WAPL: variants seen among roughly 807,000 people sequenced by gnomAD.
The protein encoded by WAPL is wings apart-like protein homolog.
A neutral mutation model predicts 121.0 loss-of-function variants in WAPL; 5 were observed. The observed-to-expected ratio is 0.04, with a 90% CI of 0.02 to 0.09. The LOEUF (loss-of-function observed/expected upper bound fraction) is 0.09, where lower values mean the gene tolerates loss of function less well. WAPL is among the 10% of genes least tolerant of loss of function. The probability of loss-of-function intolerance (pLI) is 1.00; values close to 1 mark genes in which losing one functional copy is unlikely to be tolerated. For missense variants in WAPL, 999 were observed against 1,410.8 expected (o/e 0.71, Z 4.68); for synonymous variants, 480 against 481.5 (o/e 1.00, Z 0.04).
At chr10:86,483,878 C>G (rs193043568) in intron 4 of WAPL, among the ~76,000 whole-genome samples, 65 of 148,362 alleles carry the variant, frequency 4.4e-4, no homozygotes, top group Admixed American at 1.3e-3. Flanking sequence ...CCCGCCACCA[C>G]GCCTGGCTAA....
At chr10:86,519,250 G>GT (rs1842623175) in intron 1 of WAPL, among the ~76,000 whole-genome samples, 1 of 152,104 alleles carries the variant, frequency 6.6e-6, no homozygotes, top group Admixed American at 6.6e-5. Context: ...TGATCAATCA[G>GT]TAACCGTTTG....
chr10:86,471,167 G>A (rs1841525744), intron 7 of WAPL, 64 bp from the exon 8 acceptor site: 2 of 1,359,934 alleles, frequency 1.5e-6, no homozygotes, highest in Non-Finnish European at 1.0e-6. Flanking sequence ...TTGAGTTTGT[G>A]TAATACCAAA....
intron 15 of WAPL, among the ~76,000 whole-genome samples, chr10:86,450,449 T>C (rs541475593): frequency 1.3e-5 from 2 of 152,176 alleles, no homozygotes; most frequent in Admixed American, 6.6e-5. Flanking sequence ...TTGCCCATGC[T>C]GGTCTCAAAC....
chr10:86,443,710 CA>C, intron 16 of WAPL: 1 of 201,770 alleles, frequency 5.0e-6, no homozygotes, highest in Non-Finnish European at 1.0e-5. Context: ...AACTCAACAA[CA>C]AAAACAACCC....
chr10:86,490,387 G>A lies in WAPL; in HGVS notation c.1644+6814C>T, dbSNP rs192985382. ...GTTTGCTGCTGACTCAAGTTGCCAT[G>A]ACCTGATTTACTTTAGGCCAGATAG... On this transcript the variant is annotated intron_variant, in intron 4 of 18. Coordinates refer to ENST00000298767, the MANE Select transcript of WAPL (RefSeq NM_015045.5). Among the ~76,000 whole-genome samples, 475 of 152,230 alleles carry A rather than the reference G, an allele frequency of 3.1e-3. 2 individuals carry two copies. Among genetic ancestry groups the A allele is most frequent in the African/African-American group, 0.011 (453 of 41,538 alleles).
intron 4 of WAPL, among the ~76,000 whole-genome samples, chr10:86,486,834 T>C (rs896339995): frequency 2.6e-5 from 4 of 152,056 alleles, no homozygotes; most frequent in African/African-American, 9.7e-5. Context: ...CGTGTGCCTA[T>C]AGTCCCAGCT....
chr10:86,439,554 A>C (rs1197721160), intron 17 of WAPL, among the ~76,000 whole-genome samples: 2 of 152,216 alleles, frequency 1.3e-5, no homozygotes, highest in African/African-American at 2.4e-5. Flanking sequence ...TTTTTAACAG[A>C]ATATAGCAGG....
intron 2 of WAPL, among the ~76,000 whole-genome samples, chr10:86,510,017 GC>G (rs1842427682): frequency 6.9e-6 from 1 of 143,946 alleles, no homozygotes; most frequent in South Asian, 2.2e-4. Context: ...GCCCGCCTCG[GC>G]CTTCCAAACC....
chr10:86,496,000 G>A (rs1483939252), intron 4 of WAPL, among the ~76,000 whole-genome samples: 1 of 152,150 alleles, frequency 6.6e-6, no homozygotes, highest in Non-Finnish European at 1.5e-5. Flanking sequence ...TGTAATCCCA[G>A]CTACTTGGGA....
chr10:86,452,129 G>C lies in WAPL; in HGVS notation c.2952C>G (p.Gly984=). ...CCACTAGATTTATCAGCAGACCTAA[G>C]CCCTTCAAAAAGTTTAAAAGACACA... is the stretch of plus-strand genomic sequence containing the variant. The part of the protein sequence containing the change: ...QEQRFDIRVL[G]LGLLINLVEY... The change falls in exon 15 of 19, where the codon GGC becomes GGG. Residue 984 remains glycine (G), a splice_region_variant and synonymous_variant. Transcript: ENST00000298767. The C allele has an allele frequency of 6.2e-7, 1 of 1,612,722 alleles. No individual in the cohort carries two copies. The highest frequency in any genetic ancestry group is 8.5e-7 in the Non-Finnish European group (1 of 1,179,548).
intron 4 of WAPL, among the ~76,000 whole-genome samples, chr10:86,483,428 A>T (rs894022148): frequency 7.9e-5 from 12 of 152,156 alleles, no homozygotes; most frequent in African/African-American, 2.9e-4. Flanking sequence ...TCTCAAAAAA[A>T]AAAAAGAGTA....
At chr10:86,466,629 G>A (rs1482270454) in intron 9 of WAPL, among the ~76,000 whole-genome samples, 2 of 152,148 alleles carry the variant, frequency 1.3e-5, no homozygotes, top group African/African-American at 4.8e-5. Context: ...AATGGTGGAT[G>A]TAAATCCTCT....
chr10:86,443,161 G>T, intron 17 of WAPL, 114 bp downstream of exon 17: 2 of 725,344 alleles, frequency 2.8e-6, no homozygotes, highest in African/African-American at 1.8e-5. Flanking sequence ...GGAATAAGTT[G>T]GACATTAAGG....
intron 16 of WAPL, chr10:86,444,064 T>TA (rs1484849450): frequency 6.6e-6 from 1 of 152,174 alleles, no homozygotes; most frequent in Admixed American, 6.6e-5. Flanking sequence ...GCAGAAGACT[T>TA]AGAGATTTCT....
intron 15 of WAPL, among the ~76,000 whole-genome samples, chr10:86,451,520 G>A (rs1293150099): frequency 6.6e-6 from 1 of 151,854 alleles, no homozygotes; most frequent in African/African-American, 2.4e-5. Context: ...AGCCTCCTGA[G>A]TAGCTGGGAT....
intron 1 of WAPL, among the ~76,000 whole-genome samples, chr10:86,518,760 C>T (rs1226598158): frequency 1.3e-5 from 2 of 152,112 alleles, no homozygotes; most frequent in Admixed American, 1.3e-4. Flanking sequence ...AAATTTAGTT[C>T]TTTGAAATTT....
rs201677734 is a variant in WAPL at position 86,504,987 on chromosome 10, A to AAT, written c.500-4246_500-4245dup. On this transcript the variant is annotated intron_variant, in intron 2 of 18. Coordinates refer to ENST00000298767, the MANE Select transcript of WAPL (RefSeq NM_015045.5). Reference sequence around the variant, plus strand: ...TACATTTCCAATAAATTTTATCTTTAATATATACAGCATTCAAGTTTGATT... The same window carrying AAT: ...TACATTTCCAATAAATTTTATCTTTAATATATATACAGCATTCAAGTTTGATT... Among the ~76,000 whole-genome samples, 1,429 of 146,492 alleles carry AAT rather than the reference A, an allele frequency of 9.8e-3. 20 individuals carry two copies. Among genetic ancestry groups the AAT allele is most frequent in the African/African-American group, 0.038 (1,376 of 36,086 alleles).
At chr10:86,504,261 G>A (rs1842300931) in intron 2 of WAPL, among the ~76,000 whole-genome samples, 1 of 150,722 alleles carries the variant, frequency 6.6e-6, no homozygotes, top group African/African-American at 2.4e-5. Flanking sequence ...AACTTATGAA[G>A]GATACTCAAT....
chr10:86,518,086 T>C lies in WAPL; in HGVS notation c.-17A>G. On this transcript the variant is annotated 5_prime_UTR_variant, in exon 2 of 19. The change creates a new upstream start codon in the 5' untranslated region. Transcript: ENST00000298767. The stretch of plus-strand genomic sequence containing the variant: ...GGATGTCATTTTGACACCAGTTTCA[T>C]ATTCTCTGTGAAAAAAAATTTAAGA... 6.2e-7 allele frequency: 1 copy of C among 1,600,466 alleles called. No homozygotes were observed. Among genetic ancestry groups the C allele is most frequent in the Non-Finnish European group, 8.5e-7 (1 of 1,173,756 alleles).
Sources: gnomAD v4.1 joint callset for allele counts (sites outside exome capture counted in the v4.1 genomes callset) on GRCh38, gnomAD v4.1.1 for gene constraint, MANE v1.5 for transcripts, NCBI Gene and HGNC (gene_info 2026-07-23, HGNC 2026-07-21) for gene names.